NCAM2: variants seen among roughly 807,000 people sequenced by gnomAD.
The protein encoded by NCAM2 is neural cell adhesion molecule 2, also known as N-CAM-2.
Under a neutral mutation model 98.1 loss-of-function variants are expected in NCAM2, and 30 were observed. The observed-to-expected ratio is 0.31, with a 90% CI of 0.23 to 0.41. The LOEUF is 0.41. Among genes scored for constraint, NCAM2 ranks in the 10% least tolerant of loss-of-function variants. NCAM2 has a pLI of 1.00. For missense variants in NCAM2, 867 were observed against 1,005.8 expected (o/e 0.86, Z 1.87); for synonymous variants, 368 against 342.4 (o/e 1.07, Z -0.83).
chr21:21,106,565 A>G (rs1024368724), intron 1 of NCAM2, among the ~76,000 whole-genome samples: 3 of 151,866 alleles, frequency 2.0e-5, no homozygotes, highest in African/African-American at 7.2e-5. Flanking sequence ...TTTTCTCCAA[A>G]TATTTTCTTT....
intron 12 of NCAM2, among the ~76,000 whole-genome samples, chr21:21,447,008 A>G (rs1169420289): frequency 1.3e-5 from 2 of 152,188 alleles, no homozygotes; most frequent in African/African-American, 2.4e-5. Context: ...TGCTATTCCC[A>G]TCAAACTACC....
At chr21:21,008,350 G>C (rs563890590) in intron 1 of NCAM2, among the ~76,000 whole-genome samples, 4 of 152,094 alleles carry the variant, frequency 2.6e-5, no homozygotes, top group Admixed American at 2.6e-4. Context: ...AATCATCAAA[G>C]GGTAAGAATT....
At chr21:21,303,013 C>T (rs2073769642) in intron 5 of NCAM2, among the ~76,000 whole-genome samples, 2 of 151,882 alleles carry the variant, frequency 1.3e-5, no homozygotes, top group Admixed American at 1.3e-4. Context: ...AAAACCAATA[C>T]CACATATTTT....
At chr21:21,495,788 C>G (rs1987184408) in intron 15 of NCAM2, among the ~76,000 whole-genome samples, 1 of 151,826 alleles carries the variant, frequency 6.6e-6, no homozygotes, top group Admixed American at 6.6e-5. Context: ...GAACCTGATT[C>G]TTATTTTCGA....
chr21:21,170,835 G>C (rs559786871), intron 1 of NCAM2, among the ~76,000 whole-genome samples: 2 of 62,768 alleles, frequency 3.2e-5, no homozygotes, highest in Non-Finnish European at 4.6e-5. Flanking sequence ...TGTTCCTAGA[G>C]GGGGGAAGGC....
chr21:21,096,436 T>C lies in NCAM2; in HGVS notation c.55+97818T>C, dbSNP rs1337478604. Among the ~76,000 whole-genome samples the C allele has an allele frequency of 2.0e-5, 3 of 151,744 alleles. No individual in the cohort carries two copies. The East Asian group carries it at 5.8e-4, about 29-fold the overall frequency. ...ATTGTTCTGTGACATTTAAAATTCGTATCAAAGCATTAAAACATTTATTCC... is the reference window on the plus strand; with the variant it reads ...ATTGTTCTGTGACATTTAAAATTCGCATCAAAGCATTAAAACATTTATTCC... On this transcript the variant is annotated intron_variant, in intron 1 of 17. Coordinates refer to ENST00000400546, the MANE Select transcript of NCAM2 (RefSeq NM_004540.5).
At chr21:21,471,404 A>T (rs568320584) in intron 14 of NCAM2, among the ~76,000 whole-genome samples, 1 of 152,192 alleles carries the variant, frequency 6.6e-6, no homozygotes, top group African/African-American at 2.4e-5. Context: ...TCTTTATATG[A>T]TTCCAAACTA....
rs116209864 is a variant in NCAM2 at position 21,231,187 on chromosome 21, T to C, written c.56-49391T>C. ...CCTAGTTGCCTAACTCTTGAAGCTA[T>C]AGAGCTGATTTAGTAGATGAGGGAG... On this transcript the variant is annotated intron_variant, in intron 1 of 17. Coordinates refer to ENST00000400546, the MANE Select transcript of NCAM2 (RefSeq NM_004540.5). 3.6e-3 allele frequency among the ~76,000 whole-genome samples: 543 copies of C among 151,398 alleles called. 5 individuals are homozygous for C. Among genetic ancestry groups the C allele is most frequent in the African/African-American group, 0.013 (525 of 41,480 alleles).
chr21:21,209,060 T>A (rs1175290264), intron 1 of NCAM2, among the ~76,000 whole-genome samples: 1 of 152,154 alleles, frequency 6.6e-6, no homozygotes, highest in Non-Finnish European at 1.5e-5. Flanking sequence ...TATATTGATT[T>A]TTTACTTTAA....
chr21:21,466,143 G>T (rs944627742), intron 12 of NCAM2, among the ~76,000 whole-genome samples: 1 of 151,938 alleles, frequency 6.6e-6, no homozygotes. Context: ...TTTCAACTTT[G>T]TCACACTTGT....
chr21:21,274,528 CAAG>C (rs2072650287), intron 1 of NCAM2, among the ~76,000 whole-genome samples: 2 of 151,930 alleles, frequency 1.3e-5, no homozygotes, highest in South Asian at 2.1e-4. Context: ...AATCCAATAA[CAAG>C]GAGAGAATAA....
intron 1 of NCAM2, among the ~76,000 whole-genome samples, chr21:21,016,268 G>A (rs180863826): frequency 1.4e-3 from 209 of 152,256 alleles, no homozygotes; most frequent in African/African-American, 4.8e-3. Flanking sequence ...ATGAAGGATC[G>A]AGAATATTGT....
rs952377194 is a variant in NCAM2, at chr21:21,056,506, G to GTGTC, written c.55+57891_55+57892insCTGT. Among the ~76,000 whole-genome samples the GTGTC allele has an allele frequency of 2.7e-5, 4 of 149,318 alleles. No homozygotes were observed. In the South Asian group the frequency reaches 8.5e-4, roughly 32 times the overall value. ...GAGATATGTCTGTGTGTGTGTGTGT[G>GTGTC]TGTGTGTGTGTGTGTGTGCATGAGA... On this transcript the variant is annotated intron_variant, in intron 1 of 17. Coordinates refer to ENST00000400546, the MANE Select transcript of NCAM2 (RefSeq NM_004540.5).
intron 1 of NCAM2, among the ~76,000 whole-genome samples, chr21:21,214,154 T>C (rs1298457295): frequency 2.6e-5 from 4 of 152,190 alleles, no homozygotes; most frequent in Non-Finnish European, 5.9e-5. Flanking sequence ...CATGGTGTTG[T>C]GTGGGTGTAT....
chr21:21,359,808 TC>T, intron 8 of NCAM2, among the ~76,000 whole-genome samples: 1 of 151,872 alleles, frequency 6.6e-6, no homozygotes, highest in East Asian at 1.9e-4. Context: ...TATAAAGAAG[TC>T]TAAATATATC....
chr21:21,203,661 TA>T (rs1319246122), intron 1 of NCAM2, among the ~76,000 whole-genome samples: 2 of 152,180 alleles, frequency 1.3e-5, no homozygotes, highest in East Asian at 3.8e-4. Context: ...GAAGAAATTA[TA>T]ACAACTTTAG....
intron 5 of NCAM2, among the ~76,000 whole-genome samples, chr21:21,319,791 A>G (rs1460553994): frequency 2.0e-5 from 3 of 152,180 alleles, no homozygotes; most frequent in Non-Finnish European, 1.5e-5. Flanking sequence ...TCCTTTGGCA[A>G]ATAATTAGAA....
At chr21:21,303,896 A>G (rs2073803414) in intron 5 of NCAM2, among the ~76,000 whole-genome samples, 1 of 152,130 alleles carries the variant, frequency 6.6e-6, no homozygotes. Flanking sequence ...CTTCTCATAT[A>G]CAACTCAGCA....
At chr21:21,486,751 C>T (rs1205180656) in intron 15 of NCAM2, among the ~76,000 whole-genome samples, 2 of 152,056 alleles carry the variant, frequency 1.3e-5, no homozygotes, top group East Asian at 3.8e-4. Context: ...CATATCATAA[C>T]TCAAGGTCAC....
Sources: gnomAD v4.1 joint callset for allele counts (sites outside exome capture counted in the v4.1 genomes callset) on GRCh38, gnomAD v4.1.1 for gene constraint, MANE v1.5 for transcripts, NCBI Gene and HGNC (gene_info 2026-07-23, HGNC 2026-07-21) for gene names.